Variants in RIMS2 observed in about 807,000 individuals in gnomAD.
RIMS2 encodes regulating synaptic membrane exocytosis 2.
RIMS2 carries 59 observed loss-of-function variants against 174.4 expected under a neutral mutation model. That is an observed-to-expected ratio of 0.34 (90% CI 0.27 to 0.42). The LOEUF (loss-of-function observed/expected upper bound fraction) is 0.42, where lower values mean the gene tolerates loss of function less well. Among genes scored for constraint, RIMS2 ranks in the 10% least tolerant of loss-of-function variants. The pLI, the probability that RIMS2 is intolerant of heterozygous loss-of-function variation, is 1.00. For synonymous variants in RIMS2, 606 were observed against 572.5 expected, an observed-to-expected ratio of 1.06 and a Z score of -0.84; for missense variants, 1,620 against 1,666.3, an observed-to-expected ratio of 0.97 and a Z score of 0.48.
intron 3 of RIMS2, among the ~76,000 whole-genome samples, chr8:103,871,074 C>T (rs1244624210): frequency 6.6e-6 from 1 of 152,094 alleles, no homozygotes; most frequent in Non-Finnish European, 1.5e-5. Flanking sequence ...ATTTCAAATT[C>T]ATTGTGCAAA....
At chr8:104,025,426 C>A (rs905659729) in intron 19 of RIMS2, among the ~76,000 whole-genome samples, 2 of 152,052 alleles carry the variant, frequency 1.3e-5, no homozygotes, top group Non-Finnish European at 2.9e-5. Context: ...GTTTGAGGCT[C>A]CAGTGAGCTG....
At chr8:103,681,252 A>G (rs2096876740) in intron 1 of RIMS2, among the ~76,000 whole-genome samples, 1 of 152,070 alleles carries the variant, frequency 6.6e-6, no homozygotes, top group Non-Finnish European at 1.5e-5. Context: ...AATAATATGA[A>G]TAATGATAAC....
At chr8:103,920,517 C>T (rs938183551) in intron 9 of RIMS2, among the ~76,000 whole-genome samples, 10 of 152,070 alleles carry the variant, frequency 6.6e-5, no homozygotes, top group African/African-American at 2.4e-4. Flanking sequence ...TGCAGTTTCC[C>T]CTCATTTCCA....
intron 19 of RIMS2, among the ~76,000 whole-genome samples, chr8:104,016,190 G>A (rs908271467): frequency 3.3e-5 from 5 of 151,850 alleles, no homozygotes; most frequent in Non-Finnish European, 7.4e-5. Context: ...ATAATGCCTG[G>A]CACATTGTAG....
At chr8:104,004,642 A>G (rs1454115973) in intron 17 of RIMS2, among the ~76,000 whole-genome samples, 1 of 152,210 alleles carries the variant, frequency 6.6e-6, no homozygotes, top group Non-Finnish European at 1.5e-5. Flanking sequence ...CCCTTCGAGT[A>G]AGAAATATGT....
intron 19 of RIMS2, among the ~76,000 whole-genome samples, chr8:104,223,048 A>C (rs1050502854): frequency 1.3e-5 from 2 of 152,206 alleles, no homozygotes; most frequent in Admixed American, 6.5e-5. Flanking sequence ...GTTAAAAAAA[A>C]CTGTGAACCT....
At chr8:104,115,093 G>T (rs1356946419) in intron 19 of RIMS2, among the ~76,000 whole-genome samples, 1 of 152,006 alleles carries the variant, frequency 6.6e-6, no homozygotes, top group African/African-American at 2.4e-5. Context: ...ATTTCAGTTT[G>T]CATTCAATTT....
chr8:103,766,286 A>T, exon 3 of RIMS2: 2 of 1,613,652 alleles, frequency 1.2e-6, no homozygotes, highest in Non-Finnish European at 1.7e-6. Flanking sequence ...AATCAGGAGC[A>T]TGGTTTTATA....
At chr8:103,912,133 A>G (rs777790022) in exon 6 of RIMS2, 1 of 1,608,130 alleles carries the variant, frequency 6.2e-7, no homozygotes, top group South Asian at 1.1e-5. Context: ...TAAAAGATGG[A>G]AGTGTACCTC....
At chr8:103,824,945 A>G (rs1292027147) in intron 3 of RIMS2, among the ~76,000 whole-genome samples, 2 of 152,314 alleles carry the variant, frequency 1.3e-5, no homozygotes, top group East Asian at 1.9e-4. Flanking sequence ...TCTGCTACAC[A>G]TTGTAGCTTT....
intron 1 of RIMS2, among the ~76,000 whole-genome samples, chr8:103,553,340 A>T (rs1848921534): frequency 6.6e-6 from 1 of 152,086 alleles, no homozygotes; most frequent in Non-Finnish European, 1.5e-5. Flanking sequence ...GCAAACTATC[A>T]CAAGGACAGA....
intron 14 of RIMS2, among the ~76,000 whole-genome samples, chr8:103,950,232 C>G (rs2084997927): frequency 1.3e-5 from 2 of 152,016 alleles, no homozygotes; most frequent in African/African-American, 4.8e-5. Context: ...CAAACTCTTG[C>G]AGAATATTAT....
intron 1 of RIMS2, among the ~76,000 whole-genome samples, chr8:103,548,158 T>G (rs1365614983): frequency 6.6e-6 from 1 of 152,112 alleles, no homozygotes; most frequent in African/African-American, 2.4e-5. Flanking sequence ...CTTAACTCAT[T>G]CTATGAGGCC....
chr8:103,661,962 A>G (rs376280546), intron 1 of RIMS2, among the ~76,000 whole-genome samples: 137 of 152,344 alleles, frequency 9.0e-4, no homozygotes, highest in African/African-American at 3.2e-3. Context: ...ATTGAGAAAG[A>G]TACAGAGAAT....
At chr8:104,223,776 T>C (rs2099168375) in intron 19 of RIMS2, 4 of 1,596,364 alleles carry the variant, frequency 2.5e-6, no homozygotes, top group Non-Finnish European at 3.4e-6. Flanking sequence ...ATGAACTCCC[T>C]GGAGGAGGAA....
At chr8:104,195,338 CACTG>C (rs1273534119) in intron 19 of RIMS2, among the ~76,000 whole-genome samples, 1 of 152,044 alleles carries the variant, frequency 6.6e-6, no homozygotes, top group Non-Finnish European at 1.5e-5. Context: ...ATGGTGCTGT[CACTG>C]ACTAAGTGAG....
chr8:103,704,178 G>C (rs2097198089), intron 2 of RIMS2, among the ~76,000 whole-genome samples: 1 of 148,370 alleles, frequency 6.7e-6, no homozygotes, highest in Non-Finnish European at 1.5e-5. Flanking sequence ...AGTATGTTCA[G>C]ATTTAAAAAT....
intron 3 of RIMS2, among the ~76,000 whole-genome samples, chr8:103,817,543 G>C (rs962771520): frequency 6.6e-6 from 1 of 152,202 alleles, no homozygotes; most frequent in South Asian, 2.1e-4. Flanking sequence ...CACTTTGGGA[G>C]GCCAAGCTGG....
chr8:103,614,862 A>G (rs1328751001), intron 1 of RIMS2, among the ~76,000 whole-genome samples: 1 of 152,212 alleles, frequency 6.6e-6, no homozygotes, highest in African/African-American at 2.4e-5. Flanking sequence ...TGTTGAGGAC[A>G]TTACCTAATA....
Sources: gnomAD v4.1 joint callset for allele counts (sites outside exome capture counted in the v4.1 genomes callset) on GRCh38, gnomAD v4.1.1 for gene constraint, MANE v1.5 for transcripts, NCBI Gene and HGNC (gene_info 2026-07-23, HGNC 2026-07-21) for gene names.